Variants in PDHX observed in about 807,000 individuals in gnomAD.
The protein encoded by PDHX is pyruvate dehydrogenase protein X component, mitochondrial.
PDHX carries 33 observed loss-of-function variants against 55.3 expected under a neutral mutation model. That is an observed-to-expected ratio of 0.60 (90% CI 0.45 to 0.80). The LOEUF is 0.80. Among genes scored for constraint, PDHX ranks in the 30% least tolerant of loss-of-function variants. The pLI, the probability that PDHX is intolerant of heterozygous loss-of-function variation, is 0.00. For synonymous variants in PDHX, 226 were observed against 219.4 expected (o/e 1.03, Z -0.27); for missense variants, 622 against 619.9 (o/e 1.00, Z -0.04).
intron 9 of PDHX, among the ~76,000 whole-genome samples, chr11:34,991,678 G>T (rs1855760574): frequency 6.6e-6 from 1 of 152,030 alleles, no homozygotes; most frequent in Non-Finnish European, 1.5e-5. Context: ...GGAGGCCGAG[G>T]TGGGTGGATC....
chr11:34,944,093 G>A (rs28682443), intron 2 of PDHX, among the ~76,000 whole-genome samples: 57 of 138,554 alleles, frequency 4.1e-4, no homozygotes, highest in South Asian at 2.7e-3. Context: ...GTGTGTGTGT[G>A]TATATATATA....
intron 9 of PDHX, 143 bp downstream of exon 9, chr11:34,984,871 ACAT>A: frequency 1.3e-6 from 1 of 786,338 alleles, no homozygotes; most frequent in Non-Finnish European, 2.2e-6. Context: ...AGTGATTGTC[ACAT>A]ATATATAGGT....
At chr11:34,973,154 C>T (rs1855292351) in intron 7 of PDHX, among the ~76,000 whole-genome samples, 1 of 152,068 alleles carries the variant, frequency 6.6e-6, no homozygotes, top group Non-Finnish European at 1.5e-5. Context: ...ATTTTGTTTT[C>T]TTGAACAGAC....
At chr11:34,916,562 T>G (rs1853710309), upstream of PDHX, 1 of 1,542,614 alleles carries the variant, frequency 6.5e-7, no homozygotes, top group Non-Finnish European at 8.7e-7. Flanking sequence ...AAGGCACCGC[T>G]AGCGTCTGGG....
intron 7 of PDHX, among the ~76,000 whole-genome samples, chr11:34,973,943 A>G (rs1197458330): frequency 6.6e-6 from 1 of 152,200 alleles, no homozygotes; most frequent in Non-Finnish European, 1.5e-5. Flanking sequence ...TTGACTGACA[A>G]TAAATTTTCT....
At chr11:34,981,842 A>G (rs1427157307) in intron 8 of PDHX, among the ~76,000 whole-genome samples, 1 of 151,956 alleles carries the variant, frequency 6.6e-6, no homozygotes, top group Non-Finnish European at 1.5e-5. Flanking sequence ...ACTTGTTGAT[A>G]GGGTTGTTTG....
At chr11:34,976,706 A>T (rs1855384216) in intron 7 of PDHX, among the ~76,000 whole-genome samples, 1 of 152,204 alleles carries the variant, frequency 6.6e-6, no homozygotes, top group Non-Finnish European at 1.5e-5. Flanking sequence ...GGAGCCAGTA[A>T]AAGAATATAT....
intron 1 of PDHX, among the ~76,000 whole-genome samples, chr11:34,919,367 A>G (rs1853818197): frequency 2.0e-5 from 3 of 152,256 alleles, no homozygotes; most frequent in Admixed American, 2.0e-4. Flanking sequence ...ACTGTAAACT[A>G]TATAAATTAA....
chr11:34,981,718 G>T (rs566129471), intron 8 of PDHX, among the ~76,000 whole-genome samples: 6 of 152,118 alleles, frequency 3.9e-5, no homozygotes, highest in East Asian at 1.9e-4. Flanking sequence ...TGGTATCTCA[G>T]TGTGGTTTTG....
In PDHX at chr11:34,943,776, T is replaced by G. The variant is rs375065158; in HGVS notation, c.242-3730T>G. ...GTGTATTACCTTCTACCTGGATCAC[T>G]GCCTGTTTACAGATTGTCTCCTCCT... is the stretch of plus-strand genomic sequence containing the variant. On this transcript the variant is annotated intron_variant, in intron 2 of 10. Transcript: ENST00000227868. Among the ~76,000 whole-genome samples the G allele has an allele frequency of 6.5e-4, 99 of 152,328 alleles. 2 individuals are homozygous for G. The South Asian group carries it at 0.02, about 31-fold the overall frequency.
chr11:34,991,858 C>T (rs1590775129), intron 9 of PDHX, among the ~76,000 whole-genome samples: 1 of 130,470 alleles, frequency 7.7e-6, no homozygotes, highest in South Asian at 2.5e-4. Context: ...TGCAATAGGC[C>T]ATAATCACAC....
chr11:34,948,444 G>A (rs1854677171), intron 3 of PDHX, among the ~76,000 whole-genome samples: 1 of 152,088 alleles, frequency 6.6e-6, no homozygotes, highest in Non-Finnish European at 1.5e-5. Context: ...CCTCTGCTTT[G>A]AGCATAGATG....
At position 34,963,149 on chromosome 11, in the gene PDHX, T is replaced by C. The variant is rs377730977; in HGVS notation, c.641+2631T>C. On this transcript the variant is annotated intron_variant, in intron 5 of 10. Coordinates refer to ENST00000227868, the MANE Select transcript of PDHX (RefSeq NM_003477.3). ...TAAAAATGCCTGCATTTTAAGTTTA[T>C]CATTAAGGTGAGCTTTGGAAAAAAT... 1.2e-3 allele frequency among the ~76,000 whole-genome samples: 177 copies of C among 152,340 alleles called. 3 individuals carry two copies. The South Asian group carries it at 0.032, about 27-fold the overall frequency.
chr11:34,994,268 C>T (rs183967716), intron 10 of PDHX, among the ~76,000 whole-genome samples: 335 of 152,220 alleles, frequency 2.2e-3, no homozygotes, highest in African/African-American at 7.4e-3. Flanking sequence ...TACTGAATAC[C>T]GTAAGCAGTT....
intron 4 of PDHX, among the ~76,000 whole-genome samples, chr11:34,958,038 G>A (rs1854943682): frequency 6.6e-6 from 1 of 152,110 alleles, no homozygotes; most frequent in South Asian, 2.1e-4. Flanking sequence ...TGACTTTCCG[G>A]CACAGACTAG....
rs1246814860 is a variant in PDHX at position 34,995,006 on chromosome 11, C to T, written c.1340C>T (p.Pro447Leu). 1 of 1,614,058 alleles carries T rather than the reference C, an allele frequency of 6.2e-7. No individual in the cohort carries two copies. Among genetic ancestry groups the T allele is most frequent in the South Asian group, 1.1e-5 (1 of 91,088 alleles). ...ACILAVGRFR[P>L]VLKLTEDEEG... ...ATTTTGGCGGTTGGGAGGTTCCGAC[C>T]TGTGCTGAAGCTCACTGAGGATGAA... Residue 447 changes from proline (P) to leucine (L), a missense_variant, in exon 11 of 11, where the codon CCT (proline) becomes CTT (leucine). By Grantham distance (98) the Pro-to-Leu change is moderately conservative. Transcript: ENST00000227868.
chr11:34,969,475 C>T (rs1855208849), intron 6 of PDHX, among the ~76,000 whole-genome samples: 1 of 151,742 alleles, frequency 6.6e-6, no homozygotes, highest in Non-Finnish European at 1.5e-5. Context: ...TCCTGAGTAG[C>T]TGGGATTACA....
At chr11:34,957,299 G>A in intron 3 of PDHX, 85 bp from the exon 4 acceptor site, 1 of 946,812 alleles carries the variant, frequency 1.1e-6, no homozygotes, top group Non-Finnish European at 1.7e-6. Flanking sequence ...ATATCTTAAG[G>A]GGAGAATTAC....
intron 8 of PDHX, among the ~76,000 whole-genome samples, chr11:34,981,018 C>G (rs1206177653): frequency 6.6e-6 from 1 of 151,724 alleles, no homozygotes; most frequent in African/African-American, 2.4e-5. Context: ...TATTATTATA[C>G]TTTAAGTTTT....
Sources: allele counts gnomAD v4.1 joint callset (sites outside exome capture counted in the v4.1 genomes callset), GRCh38; gene constraint gnomAD v4.1.1; transcripts MANE v1.5; gene names NCBI Gene and HGNC (gene_info 2026-07-23, HGNC 2026-07-21).